AATF: variants seen among roughly 807,000 people sequenced by gnomAD.
AATF encodes the protein apoptosis antagonizing transcription factor, also known as protein AATF.
A neutral mutation model predicts 63.7 loss-of-function variants in AATF; 48 were observed. That is an observed-to-expected ratio of 0.75 (90% CI 0.60 to 0.96). The LOEUF (loss-of-function observed/expected upper bound fraction) is 0.96. Ranked by LOEUF, AATF falls within the 40% of genes least tolerant of loss-of-function variation. AATF has a pLI of 0.00. For synonymous variants in AATF, 258 were observed against 247.7 expected (o/e 1.04, Z -0.39); for missense variants, 639 against 685.7 (o/e 0.93, Z 0.76).
chr17:37,051,189 T>C (rs1272065650), intron 11 of AATF: 2 of 152,274 alleles, frequency 1.3e-5, no homozygotes, highest in Non-Finnish European at 2.9e-5. Flanking sequence ...ACAGGCTTTT[T>C]CGGGGAGCAG....
chr17:36,953,760 T>G lies in AATF; in HGVS notation c.695-10T>G. On this transcript the variant is annotated splice_polypyrimidine_tract_variant and intron_variant, in intron 3 of 11. Transcript: ENST00000619387. ...TATTGAGGAATGGGATTCTCTTTTCTTCTTTTCAGCACTGTGGGACCAGCT... is the reference window on the plus strand; with the variant it reads ...TATTGAGGAATGGGATTCTCTTTTCGTCTTTTCAGCACTGTGGGACCAGCT... 1 of 1,606,560 alleles carries G rather than the reference T, an allele frequency of 6.2e-7. No homozygotes were observed. Among genetic ancestry groups the G allele is most frequent in the Non-Finnish European group, 8.5e-7 (1 of 1,177,954 alleles).
At chr17:37,046,211 G>A (rs998573942) in intron 11 of AATF, among the ~76,000 whole-genome samples, 4 of 152,150 alleles carry the variant, frequency 2.6e-5, no homozygotes, top group African/African-American at 9.7e-5. Context: ...GGTGTCAGAA[G>A]AGCCTTGCAA....
chr17:37,040,616 G>A (rs1284568389), intron 11 of AATF, among the ~76,000 whole-genome samples: 1 of 152,106 alleles, frequency 6.6e-6, no homozygotes, highest in Non-Finnish European at 1.5e-5. Context: ...CCCCACTGCT[G>A]TTGCCAAGAA....
intron 11 of AATF, among the ~76,000 whole-genome samples, chr17:37,046,473 TC>T (rs1390182120): frequency 6.6e-6 from 1 of 151,990 alleles, no homozygotes; most frequent in Non-Finnish European, 1.5e-5. Flanking sequence ...AAGGGCTTGC[TC>T]CCCAGGCCCC....
rs372236586 is a variant in AATF, at chr17:36,986,630, T to C, written c.846T>C (p.Leu282=). The C allele has an allele frequency of 2.2e-5, 35 of 1,613,788 alleles. No homozygotes were observed. The highest frequency in any genetic ancestry group is 2.7e-5 in the Non-Finnish European group (32 of 1,179,778). Residue 282 remains leucine (L), a synonymous_variant, in exon 5 of 12, where the codon CTT becomes CTC. Coordinates refer to ENST00000619387, the MANE Select transcript of AATF (RefSeq NM_012138.4). The part of the protein sequence containing the change: ...SSALKNSHKA[L]KALLRSLVGL... ...TTTATTTCCCAGGTCACAAGGCACT[T>C]AAAGCATTGTTGAGGTCATTGGTAG...
chr17:36,986,988 A>G (rs1439803602), intron 5 of AATF, among the ~76,000 whole-genome samples: 1 of 152,068 alleles, frequency 6.6e-6, no homozygotes, highest in Non-Finnish European at 1.5e-5. Context: ...TTAGAAGATA[A>G]AAGCACTTTG....
rs1255831771 is a variant in AATF at position 36,953,867 on chromosome 17, G to A, written c.792G>A (p.Lys264=). The A allele has an allele frequency of 1.2e-6, 2 of 1,614,054 alleles. No homozygotes were observed. Among genetic ancestry groups the A allele is most frequent in the East Asian group, 4.5e-5 (2 of 44,872 alleles). Residue 264 remains lysine, a synonymous_variant, in exon 4 of 12, where the codon AAG becomes AAA. Transcript: ENST00000619387. Reference sequence around the variant, plus strand: ...AACCAGATGTTTTCCCATTGTTCAAGGACAAAGGTGGCCCAGAATTTTCCA... The same window carrying A: ...AACCAGATGTTTTCCCATTGTTCAAAGACAAAGGTGGCCCAGAATTTTCCA... ...LPQPDVFPLF[K]DKGGPEFSSA...
At chr17:36,958,643 A>G (rs933612726) in intron 4 of AATF, among the ~76,000 whole-genome samples, 3 of 152,226 alleles carry the variant, frequency 2.0e-5, no homozygotes, top group African/African-American at 4.8e-5. Flanking sequence ...GAACCCCCAC[A>G]TGCCTTCACC....
intron 1 of AATF, 148 bp downstream of exon 1, chr17:36,949,364 C>A: frequency 1.4e-6 from 1 of 735,308 alleles, no homozygotes; most frequent in South Asian, 2.0e-5. Context: ...CGAGGGTGGT[C>A]CCGGCCTCGG....
intron 4 of AATF, among the ~76,000 whole-genome samples, chr17:36,961,387 AAG>A (rs1174378658): frequency 6.6e-6 from 1 of 152,234 alleles, no homozygotes; most frequent in African/African-American, 2.4e-5. Flanking sequence ...CATTTTAAAA[AAG>A]AAACAGTTAA....
intron 8 of AATF, among the ~76,000 whole-genome samples, chr17:37,018,327 G>A (rs902666003): frequency 4.6e-5 from 7 of 152,218 alleles, no homozygotes; most frequent in African/African-American, 1.7e-4. Flanking sequence ...TAACTCCCAT[G>A]GAGTTAATTG....
At chr17:36,970,530 CTTTCTTT>C (rs1297856247) in intron 4 of AATF, among the ~76,000 whole-genome samples, 2 of 135,080 alleles carry the variant, frequency 1.5e-5, no homozygotes, top group Admixed American at 7.0e-5. Context: ...TAGTTTCTTT[CTTTCTTT>C]TTTCTTTTTT....
At chr17:36,979,473 A>G (rs1365468065) in intron 4 of AATF, among the ~76,000 whole-genome samples, 2 of 152,132 alleles carry the variant, frequency 1.3e-5, no homozygotes, top group East Asian at 3.8e-4. Flanking sequence ...TTCTCAGGCC[A>G]ATATATCGTG....
At chr17:37,048,031 T>G (rs1255032865) in intron 11 of AATF, among the ~76,000 whole-genome samples, 1 of 152,212 alleles carries the variant, frequency 6.6e-6, no homozygotes, top group Non-Finnish European at 1.5e-5. Flanking sequence ...GAAGACTGCT[T>G]TCTTTCCCCT....
chr17:36,994,005 A>G (rs1406193674), intron 8 of AATF, among the ~76,000 whole-genome samples: 1 of 152,208 alleles, frequency 6.6e-6, no homozygotes, highest in African/African-American at 2.4e-5. Context: ...ACATGTATAT[A>G]TGTATGTATA....
chr17:37,042,051 C>A (rs1041289678), intron 11 of AATF, among the ~76,000 whole-genome samples: 2 of 151,850 alleles, frequency 1.3e-5, no homozygotes, highest in African/African-American at 4.8e-5. Context: ...TATGAATTTT[C>A]TTCCTGTATG....
chr17:37,026,990 G>A (rs541684459), intron 10 of AATF, among the ~76,000 whole-genome samples: 37 of 152,250 alleles, frequency 2.4e-4, no homozygotes, highest in African/African-American at 8.9e-4. Context: ...GTTTGTGATA[G>A]GGTTGTATAT....
intron 8 of AATF, among the ~76,000 whole-genome samples, chr17:37,003,247 G>A (rs2071315781): frequency 6.6e-6 from 1 of 152,030 alleles, no homozygotes; most frequent in African/African-American, 2.4e-5. Flanking sequence ...TGGAGCAACT[G>A]GATATCCACA....
At chr17:37,018,846 G>A (rs952870779) in intron 8 of AATF, 159 bp from the exon 9 acceptor site, 26 of 629,294 alleles carry the variant, frequency 4.1e-5, no homozygotes, top group African/African-American at 3.1e-4. Context: ...CTATGAAAGC[G>A]TTAACGGGAA....
Sources: allele counts gnomAD v4.1 joint callset (sites outside exome capture counted in the v4.1 genomes callset), GRCh38; gene constraint gnomAD v4.1.1; transcripts MANE v1.5; gene names NCBI Gene and HGNC (gene_info 2026-07-23, HGNC 2026-07-21).